Variants in GRAMD4 observed in about 807,000 individuals in gnomAD.
The protein encoded by GRAMD4 is GRAM domain containing 4, also known as GRAM domain-containing protein 4.
Under a neutral mutation model 83.9 loss-of-function variants are expected in GRAMD4, and 25 were observed. The observed-to-expected ratio is 0.30, with a 90% CI of 0.22 to 0.42. The LOEUF (loss-of-function observed/expected upper bound fraction) is 0.42. Among genes scored for constraint, GRAMD4 ranks in the 10% least tolerant of loss-of-function variants. GRAMD4 has a pLI of 1.00. For synonymous variants in GRAMD4, 336 were observed against 320.9 expected (o/e 1.05, Z -0.50); for missense variants, 593 against 788.7 (o/e 0.75, Z 2.97).
chr22:46,674,083 G>C (rs1035821554), intron 15 of GRAMD4, among the ~76,000 whole-genome samples: 39 of 152,252 alleles, frequency 2.6e-4, no homozygotes, highest in African/African-American at 9.2e-4. Context: ...AACACACTGG[G>C]GAGAGAGTCC....
At chr22:46,577,336 C>A (rs1406650798) in intron 1 of GRAMD4, 2 of 975,712 alleles carry the variant, frequency 2.0e-6, no homozygotes, top group Non-Finnish European at 1.2e-6. Flanking sequence ...CTGGTTGCCC[C>A]GCGACCACTC....
chr22:46,678,833 G>T lies in GRAMD4; in HGVS notation c.*1582G>T, dbSNP rs1030875684. The T allele has an allele frequency of 2.3e-5, 23 of 986,192 alleles. No individual in the cohort carries two copies. The highest frequency in any genetic ancestry group is 2.8e-5 in the Non-Finnish European group (23 of 830,108). The allele number at this position is 986,192 out of a possible 1,614,324, so 61.1% of individuals were successfully genotyped here. A position where few individuals can be genotyped will look rare whatever the true frequency, so the allele number is the denominator to read the frequency against. On this transcript the variant is annotated 3_prime_UTR_variant, in exon 19 of 19. Transcript: ENST00000406902. Reference sequence around the variant, plus strand: ...CACACGCTGGTGCCGGGGGTGCTTTGGGGGGAGCTGCGCCGATCACCAGAT... The same window carrying T: ...CACACGCTGGTGCCGGGGGTGCTTTTGGGGGAGCTGCGCCGATCACCAGAT...
chr22:46,603,201 GTTTTTTTTTTT>G (rs569545888), intron 1 of GRAMD4, among the ~76,000 whole-genome samples: 8 of 89,416 alleles, frequency 8.9e-5, no homozygotes, highest in Admixed American at 8.8e-4. Flanking sequence ...ATCTTCTCTT[GTTTTTTTTTTT>G]TTTTTTTTTT....
chr22:46,577,615 A>C (rs1288821108), intron 1 of GRAMD4, among the ~76,000 whole-genome samples: 1 of 151,454 alleles, frequency 6.6e-6, no homozygotes, highest in Non-Finnish European at 1.5e-5. Context: ...ACCGGGGGTC[A>C]CCGACGCTGG....
At chr22:46,611,060 C>T (rs981750759) in intron 1 of GRAMD4, among the ~76,000 whole-genome samples, 19 of 151,852 alleles carry the variant, frequency 1.3e-4, no homozygotes, top group Admixed American at 5.2e-4. Context: ...ACTAAAAATA[C>T]AAAGAATTAG....
At chr22:46,599,537 G>A (rs2081292754) in intron 1 of GRAMD4, among the ~76,000 whole-genome samples, 1 of 151,940 alleles carries the variant, frequency 6.6e-6, no homozygotes, top group Admixed American at 6.6e-5. Flanking sequence ...CTCTTGGCCA[G>A]GCTGGTCTTG....
At chr22:46,639,672 G>A (rs942477969) in intron 3 of GRAMD4, among the ~76,000 whole-genome samples, 3 of 151,402 alleles carry the variant, frequency 2.0e-5, no homozygotes, top group Non-Finnish European at 2.9e-5. Context: ...CAGTATTACC[G>A]TGTGTGTGTG....
At chr22:46,627,986 G>T (rs997965756) in intron 2 of GRAMD4, among the ~76,000 whole-genome samples, 6 of 152,228 alleles carry the variant, frequency 3.9e-5, no homozygotes, top group African/African-American at 1.4e-4. Flanking sequence ...GTCTGCCCTT[G>T]TGCAGGTTAT....
Position 46,659,383 on chromosome 22 carries a change from T to C in GRAMD4, c.404+1076T>C, listed in dbSNP as rs1253553302. Among the ~76,000 whole-genome samples, 11 of 152,020 alleles carry C rather than the reference T, an allele frequency of 7.2e-5. No individual in the cohort carries two copies. The highest frequency in any genetic ancestry group is 1.6e-4 in the Non-Finnish European group (11 of 67,990). On this transcript the variant is annotated intron_variant, in intron 4 of 18. Coordinates refer to ENST00000406902, the MANE Select transcript of GRAMD4 (RefSeq NM_015124.5). The surrounding 1 kb of genome is among the most constrained non-coding windows in gnomAD (Gnocchi z 4.1). ...CCCTCCAGCCTCCACTTAGCCTCCC[T>C]CCAGGTCTCCCACCTCAGCCTCCCA...
At position 46,677,938 on chromosome 22, in the gene GRAMD4, G is replaced by T; in HGVS notation, c.*687G>T. On this transcript the variant is annotated 3_prime_UTR_variant, in exon 19 of 19. Coordinates refer to ENST00000406902, the MANE Select transcript of GRAMD4 (RefSeq NM_015124.5). Reference sequence around the variant, plus strand: ...CAGTGTCTTTGGTGGCACCTTCCTTGCTGGCCTCCAGGGCGCTCAGCACCG... The same window carrying T: ...CAGTGTCTTTGGTGGCACCTTCCTTTCTGGCCTCCAGGGCGCTCAGCACCG... 1.0e-6 allele frequency: 1 copy of T among 985,188 alleles called. No homozygotes were observed. Among genetic ancestry groups the T allele is most frequent in the Non-Finnish European group, 1.2e-6 (1 of 829,642 alleles). 61.0% of individuals were successfully genotyped at this position (985,188 alleles called of 1,614,324 possible).
intron 13 of GRAMD4, among the ~76,000 whole-genome samples, chr22:46,671,625 C>A (rs1167426691): frequency 6.6e-6 from 1 of 151,914 alleles, no homozygotes; most frequent in African/African-American, 2.4e-5. Context: ...TGCTGCACTC[C>A]TGCCTGGGCG....
chr22:46,616,754 G>A (rs570218876), upstream of GRAMD4, among the ~76,000 whole-genome samples: 2 of 149,530 alleles, frequency 1.3e-5, no homozygotes, highest in Non-Finnish European at 3.0e-5. Flanking sequence ...GTTCCCCTGT[G>A]TGTGTGGCTT....
chr22:46,669,669 G>A (rs1215182052), intron 13 of GRAMD4, among the ~76,000 whole-genome samples: 1 of 150,876 alleles, frequency 6.6e-6, no homozygotes, highest in Non-Finnish European at 1.5e-5. Context: ...TCCGCCTCCC[G>A]GGTTCAAGTG....
At chr22:46,648,127 T>G (rs976370341) in intron 3 of GRAMD4, among the ~76,000 whole-genome samples, 1 of 151,432 alleles carries the variant, frequency 6.6e-6, no homozygotes, top group Non-Finnish European at 1.5e-5. Context: ...GGTGGGTGGA[T>G]GGGTAGATGG....
chr22:46,634,254 G>C (rs8138922), intron 2 of GRAMD4, among the ~76,000 whole-genome samples: 3,510 of 152,268 alleles, frequency 0.023, 113 homozygotes, highest in African/African-American at 0.079. Flanking sequence ...TCCTCCTCCA[G>C]ACAGGCACAT....
In GRAMD4 at chr22:46,666,294, A is replaced by G. The variant is rs114167111; in HGVS notation, c.810-531A>G. ...GTCCCTGCACTCCTGGGTCCTTCTT[A>G]GCCTGCGGTTACCCCTGGAGTGAAC... On this transcript the variant is annotated intron_variant, in intron 9 of 18. Coordinates refer to ENST00000406902, the MANE Select transcript of GRAMD4 (RefSeq NM_015124.5). Among the ~76,000 whole-genome samples the G allele has an allele frequency of 3.2e-3, 483 of 152,196 alleles. 2 individuals carry two copies. Among genetic ancestry groups the G allele is most frequent in the African/African-American group, 0.011 (450 of 41,524 alleles).
chr22:46,667,958 C>T (rs2082435149), intron 10 of GRAMD4, 138 bp from the exon 11 acceptor site: 4 of 647,016 alleles, frequency 6.2e-6, no homozygotes, highest in Non-Finnish European at 1.1e-5. Context: ...TGCCAGGTCC[C>T]CAAGGGATGT....
At chr22:46,643,141 T>TCCATCCGTGGATCCATCTA (rs2082005534) in intron 3 of GRAMD4, among the ~76,000 whole-genome samples, 1 of 4,524 alleles carries the variant, frequency 2.2e-4, no homozygotes, top group Non-Finnish European at 4.4e-4. Context: ...CCATGCATCC[T>TCCATCCGTGGATCCATCTA]TCCATCCATC....
intron 1 of GRAMD4, among the ~76,000 whole-genome samples, chr22:46,591,096 A>G (rs1174164342): frequency 6.6e-6 from 1 of 152,058 alleles, no homozygotes; most frequent in Non-Finnish European, 1.5e-5. Context: ...AACCCAAAAA[A>G]CAGCCAGAGA....
Sources: gnomAD v4.1 joint callset for allele counts (sites outside exome capture counted in the v4.1 genomes callset) on GRCh38, gnomAD v4.1.1 for gene constraint, Gnocchi (gnomAD v3.1) non-coding constraint, MANE v1.5 for transcripts, NCBI Gene and HGNC (gene_info 2026-07-23, HGNC 2026-07-21) for gene names.